The following PTGER4 variants were observed in gnomAD, a reference collection of about 807,000 sequenced individuals.
PTGER4 encodes prostaglandin E receptor 4, also known as prostaglandin E2 receptor EP4 subtype.
A neutral mutation model predicts 33.2 loss-of-function variants in PTGER4; 11 were observed. That is an observed-to-expected ratio of 0.33 (90% confidence interval 0.21 to 0.55). The LOEUF (loss-of-function observed/expected upper bound fraction) is 0.55. Among genes scored for constraint, PTGER4 ranks in the 20% least tolerant of loss-of-function variants. The probability of loss-of-function intolerance (pLI) is 0.92; values close to 1 mark genes in which losing one functional copy is unlikely to be tolerated. For missense variants in PTGER4, 481 were observed against 650.2 expected (o/e 0.74, Z 2.83); for synonymous variants, 275 against 281.5 (o/e 0.98, Z 0.23).
chr5:40,720,900 G>C, the PTGER4 span, among the ~76,000 whole-genome samples: 1 of 152,126 alleles, frequency 6.6e-6, no homozygotes, highest in African/African-American at 2.4e-5. Context: ...CAACTTCTAC[G>C]GTGGCTACAA....
Position 40,680,829 on chromosome 5 carries a change from G to C in PTGER4, c.-43-122G>C. 1 of 919,406 alleles carries C rather than the reference G, an allele frequency of 1.1e-6. No individual in the cohort carries two copies. The highest frequency in any genetic ancestry group is 1.6e-6 in the Non-Finnish European group (1 of 611,120). 57.0% of individuals were successfully genotyped at this position (919,406 alleles called of 1,614,324 possible). ...GCAGTTGGTAAGTGGCTACAATCCA[G>C]AAAGTAGGATCGAGTTGCTCCCCTT... is the stretch of plus-strand genomic sequence containing the variant. On this transcript the variant is annotated intron_variant, in intron 1 of 2. Coordinates refer to ENST00000302472, the MANE Select transcript of PTGER4 (RefSeq NM_000958.3). The surrounding 1 kb of genome is among the most constrained non-coding windows in gnomAD (Gnocchi z 5.5).
At chr5:40,710,520 A>G in the PTGER4 span, among the ~76,000 whole-genome samples, 1 of 152,182 alleles carries the variant, frequency 6.6e-6, no homozygotes, top group Non-Finnish European at 1.5e-5. Flanking sequence ...ACAGTGTGGC[A>G]ATTCCTCGGG....
the PTGER4 span, among the ~76,000 whole-genome samples, chr5:40,731,251 G>C: frequency 1.3e-5 from 2 of 152,176 alleles, no homozygotes; most frequent in Admixed American, 6.5e-5. Context: ...AGGTTGGACT[G>C]TTTGTCCAAT....
chr5:40,701,364 A>G, the PTGER4 span, among the ~76,000 whole-genome samples: 1 of 152,246 alleles, frequency 6.6e-6, no homozygotes, highest in African/African-American at 2.4e-5. Flanking sequence ...TGAATAACAC[A>G]ATACAAGAAT....
the PTGER4 span, among the ~76,000 whole-genome samples, chr5:40,722,594 C>T: frequency 8.6e-5 from 13 of 151,956 alleles, no homozygotes; most frequent in East Asian, 1.8e-3. Flanking sequence ...TCTGACCGGC[C>T]GCCCCGTCTG....
At chr5:40,704,771 T>A in the PTGER4 span, among the ~76,000 whole-genome samples, 1 of 152,152 alleles carries the variant, frequency 6.6e-6, no homozygotes. Flanking sequence ...TAACCAGGGA[T>A]GTGAATGGTC....
At chr5:40,738,444 A>AATAC in the PTGER4 span, among the ~76,000 whole-genome samples, 317 of 83,672 alleles carry the variant, frequency 3.8e-3, no homozygotes, top group Non-Finnish European at 5.0e-3. Context: ...ATATAAAATA[A>AATAC]AATACAATAC....
rs527551355 is a variant in PTGER4 at position 40,680,843 on chromosome 5, G to C, written c.-43-108G>C. On this transcript the variant is annotated intron_variant, in intron 1 of 2. Transcript: ENST00000302472. This position sits in a 1 kb window ranked among gnomAD's most constrained non-coding sequence, Gnocchi z 5.5. ...GCTACAATCCAGAAAGTAGGATCGA[G>C]TTGCTCCCCTTGTCTTATCAGTGTA... 1 of 1,010,584 alleles carries C rather than the reference G, an allele frequency of 9.9e-7. No individual in the cohort carries two copies. The highest frequency in any genetic ancestry group is 1.6e-5 in the African/African-American group (1 of 62,138). The allele number at this position is 1,010,584 out of a possible 1,614,324, so 62.6% of individuals were successfully genotyped here. A position where few individuals can be genotyped will look rare whatever the true frequency, so the allele number is the denominator to read the frequency against.
the PTGER4 span, among the ~76,000 whole-genome samples, chr5:40,739,354 TATTAAC>T: frequency 9.9e-5 from 15 of 152,200 alleles, no homozygotes; most frequent in Non-Finnish European, 2.1e-4. Context: ...AGAACTGATG[TATTAAC>T]AAAATACTAT....
chr5:40,683,752 C>T lies in PTGER4; in HGVS notation c.867+1892C>T, dbSNP rs1372579758. Among the ~76,000 whole-genome samples, 2 of 152,162 alleles carry T rather than the reference C, an allele frequency of 1.3e-5. No individual in the cohort carries two copies. Among genetic ancestry groups the T allele is most frequent in the Non-Finnish European group, 2.9e-5 (2 of 68,022 alleles). ...TCACCTCATAGGCTGAAGTGGTAGACCTGGACCTAAGATTCAGGGCCCTTA... is the reference window on the plus strand; with the variant it reads ...TCACCTCATAGGCTGAAGTGGTAGATCTGGACCTAAGATTCAGGGCCCTTA... On this transcript the variant is annotated intron_variant, in intron 2 of 2. Transcript: ENST00000302472. This position sits in a 1 kb window ranked among gnomAD's most constrained non-coding sequence, Gnocchi z 4.2.
the PTGER4 span, among the ~76,000 whole-genome samples, chr5:40,743,383 G>C: frequency 1.3e-5 from 2 of 152,198 alleles, no homozygotes; most frequent in Non-Finnish European, 2.9e-5. Flanking sequence ...CACAGTTTAA[G>C]ATGAAGTTGA....
the PTGER4 span, among the ~76,000 whole-genome samples, chr5:40,717,662 C>A: frequency 6.6e-6 from 1 of 152,232 alleles, no homozygotes; most frequent in African/African-American, 2.4e-5. Context: ...GGGGGTAAAA[C>A]TGCCCTCCAA....
chr5:40,703,988 C>T, the PTGER4 span, among the ~76,000 whole-genome samples: 45,586 of 143,818 alleles, frequency 0.32, 7,725 homozygotes, highest in East Asian at 0.56. Flanking sequence ...TTCTATGAGG[C>T]CATCATCAGC....
downstream of PTGER4, chr5:40,696,643 C>T (rs1741588080): frequency 4.1e-6 from 4 of 980,210 alleles, no homozygotes; most frequent in Non-Finnish European, 4.8e-6. Flanking sequence ...ATTCCCTTTA[C>T]CTTGCCAGGC....
At chr5:40,737,523 G>A in the PTGER4 span, among the ~76,000 whole-genome samples, 1 of 151,994 alleles carries the variant, frequency 6.6e-6, no homozygotes, top group African/African-American at 2.4e-5. Flanking sequence ...TATATGAAAC[G>A]AATATAGAAT....
chr5:40,703,671 G>A, the PTGER4 span, among the ~76,000 whole-genome samples: 24 of 152,010 alleles, frequency 1.6e-4, no homozygotes, highest in African/African-American at 4.1e-4. Flanking sequence ...TTGGGAGGCC[G>A]AGGTGGACAG....
At chr5:40,724,365 T>C in the PTGER4 span, among the ~76,000 whole-genome samples, 1 of 152,152 alleles carries the variant, frequency 6.6e-6, no homozygotes, top group African/African-American at 2.4e-5. Context: ...CAAGGCACAG[T>C]GGCTCACGCC....
chr5:40,681,857 C>T lies in PTGER4; in HGVS notation c.864C>T (p.Leu288=), dbSNP rs370545201. Residue 288 remains leucine, a synonymous_variant, in exon 2 of 3, where the codon CTC becomes CTT. Transcript: ENST00000302472. The surrounding 1 kb of genome is among the most constrained non-coding windows in gnomAD (Gnocchi z 9.8). ...TGGTGCTCATCTGCTCCATCCCGCT[C>T]GTGGTGAGTGACCGGGGCTGGGGCC... The part of the protein sequence containing the change: ...SLVVLICSIP[L]VVRVFVNQLY... 3 of 1,511,250 alleles carry T rather than the reference C, an allele frequency of 2.0e-6. No individual in the cohort carries two copies. Among genetic ancestry groups the T allele is most frequent in the African/African-American group, 2.9e-5 (2 of 68,532 alleles). 93.6% of individuals were successfully genotyped at this position (1,511,250 alleles called of 1,614,324 possible). A position where few individuals can be genotyped will look rare whatever the true frequency, so the allele number is the denominator to read the frequency against.
chr5:40,704,157 C>T, the PTGER4 span, among the ~76,000 whole-genome samples: 1 of 152,016 alleles, frequency 6.6e-6, no homozygotes, highest in Non-Finnish European at 1.5e-5. Context: ...GTAGGCTTCA[C>T]CCTCAGGATG....
Sources: allele counts gnomAD v4.1 joint callset (sites outside exome capture counted in the v4.1 genomes callset), GRCh38; gene constraint gnomAD v4.1.1; non-coding constraint Gnocchi (gnomAD v3.1); transcripts MANE v1.5; gene names NCBI Gene and HGNC (gene_info 2026-07-23, HGNC 2026-07-21).